Variants in PCDH19 observed in about 807,000 individuals in gnomAD.
The protein encoded by PCDH19 is protocadherin-19.
A neutral mutation model predicts 46.2 loss-of-function variants in PCDH19; 6 were observed. The ratio of observed to expected loss-of-function variants is 0.13; its 90% CI spans 0.07 to 0.26. PCDH19 has a LOEUF of 0.26. PCDH19 is among the 10% of genes least tolerant of loss of function. The pLI is 1.00. For synonymous variants in PCDH19, 481 were observed against 415.7 expected, an observed-to-expected ratio of 1.16 and a Z score of -1.91; for missense variants, 740 against 972.3, an observed-to-expected ratio of 0.76 and a Z score of 3.18.
intron 5 of PCDH19, among the ~76,000 whole-genome samples, chrX:100,334,544 C>A (rs1327497586): frequency 1.8e-5 from 2 of 111,064 alleles, no homozygotes; most frequent in Admixed American, 1.9e-4. Flanking sequence ...TCCACATCAT[C>A]AAAAATGGTT....
intron 3 of PCDH19, among the ~76,000 whole-genome samples, chrX:100,390,389 T>C (rs1198461506): frequency 8.9e-6 from 1 of 112,005 alleles, no homozygotes; most frequent in African/African-American, 3.2e-5. Context: ...ATAACCACTA[T>C]AGAGCTAGTC....
chrX:100,308,098 C>T (rs1438453061), intron 5 of PCDH19, among the ~76,000 whole-genome samples: 2 of 111,049 alleles, frequency 1.8e-5, no homozygotes, highest in African/African-American at 3.3e-5. Context: ...CAAGACTAAA[C>T]AAAAGAACAA....
chrX:100,378,505 G>A (rs892661157), intron 3 of PCDH19, among the ~76,000 whole-genome samples: 1 of 112,440 alleles, frequency 8.9e-6, no homozygotes, highest in African/African-American at 3.2e-5. Context: ...AGCTATAACC[G>A]TGTCTGATGC....
chrX:100,386,828 A>G (rs1602623338), intron 3 of PCDH19, among the ~76,000 whole-genome samples: 2 of 112,133 alleles, frequency 1.8e-5, no homozygotes, highest in East Asian at 5.6e-4. Context: ...CCATGCTGTA[A>G]CATGAAAACC....
chrX:100,374,476 C>T, intron 3 of PCDH19, among the ~76,000 whole-genome samples: 1 of 111,720 alleles, frequency 9.0e-6, no homozygotes, highest in East Asian at 2.8e-4. Context: ...CAGGCAGTGA[C>T]TGGCATTATG....
chrX:100,399,017 C>T (rs1928103000), intron 3 of PCDH19, among the ~76,000 whole-genome samples: 1 of 111,771 alleles, frequency 8.9e-6, no homozygotes. Flanking sequence ...CTGTAAGCTC[C>T]CTGGGTTCAA....
chrX:100,304,784 A>G (rs1479563593), intron 5 of PCDH19, among the ~76,000 whole-genome samples: 2 of 112,503 alleles, frequency 1.8e-5, no homozygotes, highest in Admixed American at 9.4e-5. Context: ...AATGCACTGG[A>G]AAGTCTCAGC....
intron 3 of PCDH19, among the ~76,000 whole-genome samples, chrX:100,369,927 G>A (rs1927170330): frequency 9.0e-6 from 1 of 111,550 alleles, no homozygotes; most frequent in African/African-American, 3.3e-5. Flanking sequence ...TGTTTTAGCG[G>A]TTCATTTAAC....
At position 100,409,458 on chromosome X, in the gene PCDH19, G is replaced by C. The variant is rs1928524515; in HGVS notation, c.-861C>G. The C allele has an allele frequency of 8.5e-6, 1 of 117,436 alleles. No homozygotes were observed. The highest frequency in any genetic ancestry group is 3.2e-5 in the African/African-American group (1 of 31,016). The allele number at this position is 117,436 out of a possible 1,213,427, so 9.7% of individuals were successfully genotyped here. On this transcript the variant is annotated 5_prime_UTR_variant, in exon 1 of 6. Coordinates refer to ENST00000373034, the MANE Select transcript of PCDH19 (RefSeq NM_001184880.2). ...CCCCCCACAGAGCAGTTGAGGGTCT[G>C]CGGGCGTTTTCGTCTAGGAAATCAA...
chrX:100,368,655 C>T (rs1383707681), intron 3 of PCDH19, among the ~76,000 whole-genome samples: 1 of 110,922 alleles, frequency 9.0e-6, no homozygotes, highest in African/African-American at 3.3e-5. Flanking sequence ...CCCTAGAGGC[C>T]TGACCCCATT....
At chrX:100,406,254 G>T (rs1928342170) in intron 1 of PCDH19, among the ~76,000 whole-genome samples, 197 bp downstream of exon 1, 1 of 111,942 alleles carries the variant, frequency 8.9e-6, no homozygotes, top group Non-Finnish European at 1.9e-5. Flanking sequence ...AACACTAAAT[G>T]ATTGTCTTCC....
At position 100,409,739 on chromosome X, in the gene PCDH19, G is replaced by A; in HGVS notation, c.-1142C>T. ...CGCCGCCGCCGCCGCCGCCGCCGCC[G>A]CGGGAGGAAGCCCTCCTAGCTCAGT... On this transcript the variant is annotated 5_prime_UTR_variant, in exon 1 of 6. Transcript: ENST00000373034. The A allele has an allele frequency of 3.8e-6, 1 of 265,764 alleles. No homozygotes were observed. Among genetic ancestry groups the A allele is most frequent in the Non-Finnish European group, 6.7e-6 (1 of 149,364 alleles). 21.9% of individuals were successfully genotyped at this position (265,764 alleles called of 1,213,427 possible).
chrX:100,355,921 C>T (rs182802755), intron 3 of PCDH19, among the ~76,000 whole-genome samples: 2 of 110,954 alleles, frequency 1.8e-5, no homozygotes, highest in Admixed American at 1.9e-4. Flanking sequence ...TTCACTGAAT[C>T]GTGCCCTAGT....
chrX:100,292,836 A>G lies in PCDH19; in HGVS notation c.*3441T>C, dbSNP rs909396081. 1 of 112,037 alleles carries G rather than the reference A, an allele frequency of 8.9e-6. No homozygotes were observed. The highest frequency in any genetic ancestry group is 9.5e-5 in the Admixed American group (1 of 10,538). 9.2% of individuals were successfully genotyped at this position (112,037 alleles called of 1,213,427 possible). A position where few individuals can be genotyped will look rare whatever the true frequency, so the allele number is the denominator to read the frequency against. On this transcript the variant is annotated 3_prime_UTR_variant, in exon 6 of 6. Coordinates refer to ENST00000373034, the MANE Select transcript of PCDH19 (RefSeq NM_001184880.2). Reference sequence around the variant, plus strand: ...ATAAGGGTCTTATTACCCGGGGTAAAGAGCCAAGTGGACCAAACTTGTCAG... The same window carrying G: ...ATAAGGGTCTTATTACCCGGGGTAAGGAGCCAAGTGGACCAAACTTGTCAG...
At chrX:100,381,419 G>C (rs1044127431) in intron 3 of PCDH19, among the ~76,000 whole-genome samples, 1 of 111,980 alleles carries the variant, frequency 8.9e-6, no homozygotes, top group African/African-American at 3.2e-5. Context: ...TGTAGCCGTT[G>C]AAGATAGCTT....
intron 5 of PCDH19, among the ~76,000 whole-genome samples, chrX:100,337,876 A>G (rs764149912): frequency 8.4e-4 from 94 of 112,356 alleles, no homozygotes; most frequent in Non-Finnish European, 1.3e-3. Flanking sequence ...ATTATTATAT[A>G]ACATATACAT....
Position 100,383,772 on chromosome X carries a change from T to C in PCDH19, c.2616+18752A>G, listed in dbSNP as rs1282138047. Among the ~76,000 whole-genome samples, 6 of 112,189 alleles carry C rather than the reference T, an allele frequency of 5.3e-5. No homozygotes were observed. The Admixed American group carries it at 5.7e-4, about 11-fold the overall frequency. ...ACAATAAACAGAAAAATTGAAACTC[T>C]TTTTAAAGACAAAGAATAAGGAGAA... On this transcript the variant is annotated intron_variant, in intron 3 of 5. Coordinates refer to ENST00000373034, the MANE Select transcript of PCDH19 (RefSeq NM_001184880.2).
rs763006186 is a variant in PCDH19 at position 100,407,285 on chromosome X, G to T, written c.1313C>A (p.Ser438Tyr). The T allele has an allele frequency of 4.1e-6, 5 of 1,210,676 alleles. No homozygotes were observed. In the African/African-American group the frequency reaches 5.2e-5, roughly 13 times the overall value. The change falls in exon 1 of 6, where the codon TCC becomes TAC. Residue 438 changes from serine to tyrosine, a missense_variant. Ser to Tyr is a moderately radical substitution (Grantham distance 144, BLOSUM62 -2). This residue lies in a region of PCDH19 where 186 missense variants were observed against 319.9 expected (regional missense o/e 0.58). Coordinates refer to ENST00000373034, the MANE Select transcript of PCDH19 (RefSeq NM_001184880.2). ...GGVPMLQSAK[S>Y]FTVLITDEND... is the part of the protein sequence containing the mutation. ...TTCGTCAGTGATGAGCACGGTAAAG[G>T]ACTTGGCACTCTGCAGCATGGGCAC...
At chrX:100,339,122 A>G (rs1325662594) in intron 5 of PCDH19, among the ~76,000 whole-genome samples, 1 of 111,965 alleles carries the variant, frequency 8.9e-6, no homozygotes, top group African/African-American at 3.3e-5. Context: ...TGGCAGGACT[A>G]AAAGAAATAC....
Sources: allele counts gnomAD v4.1 joint callset (sites outside exome capture counted in the v4.1 genomes callset), GRCh38; gene constraint gnomAD v4.1.1; regional missense constraint gnomAD v4.1.1; transcripts MANE v1.5; gene names NCBI Gene and HGNC (gene_info 2026-07-23, HGNC 2026-07-21).